Variants in ING4 observed in about 807,000 individuals in gnomAD.
ING4 encodes the protein inhibitor of growth family member 4.
Under a neutral mutation model 33.1 loss-of-function variants are expected in ING4, and 28 were observed. The observed-to-expected ratio is 0.85, with a 90% CI of 0.63 to 1.16. The LOEUF (loss-of-function observed/expected upper bound fraction) is 1.16. ING4 is among the 50% of genes most tolerant of loss of function. The pLI is 0.00. For missense variants in ING4, 247 were observed against 314.7 expected (o/e 0.78, Z 1.63); for synonymous variants, 87 against 104.4 (o/e 0.83, Z 1.02).
intron 2 of ING4, chr12:6,655,594 C>T (rs1478193649): frequency 9.0e-7 from 1 of 1,113,648 alleles, no homozygotes; most frequent in Admixed American, 4.7e-5. Context: ...TGCATGAACT[C>T]AAGAGTTACA....
intron 2 of ING4, among the ~76,000 whole-genome samples, chr12:6,653,886 A>G (rs1949264137): frequency 6.6e-6 from 1 of 152,184 alleles, no homozygotes; most frequent in Non-Finnish European, 1.5e-5. Flanking sequence ...TTTTTGACAC[A>G]GGGTCTCACT....
intron 1 of ING4, 83 bp from the exon 2 acceptor site, chr12:6,656,881 T>C: frequency 1.2e-6 from 1 of 847,428 alleles, no homozygotes; most frequent in Non-Finnish European, 1.8e-6. Flanking sequence ...AGGCCGGACA[T>C]GGTGGCTCAC....
intron 1 of ING4, 74 bp from the exon 2 acceptor site, chr12:6,656,872 G>T: frequency 1.1e-6 from 1 of 922,518 alleles, no homozygotes; most frequent in African/African-American, 1.7e-5. Context: ...GTGCAGTTCA[G>T]GCCGGACATG....
chr12:6,656,667 T>C, intron 2 of ING4, 60 bp downstream of exon 2: 1 of 955,174 alleles, frequency 1.0e-6, no homozygotes, highest in Non-Finnish European at 1.6e-6. Context: ...TAACATCAAG[T>C]AGAAAAATAA....
chr12:6,652,616 G>A, intron 5 of ING4, 46 bp downstream of exon 5: 3 of 1,548,890 alleles, frequency 1.9e-6, no homozygotes, highest in Non-Finnish European at 2.7e-6. Flanking sequence ...GGGGCACCGG[G>A]AGAGAAGAGG....
chr12:6,662,622 C>T (rs2136287821), intron 1 of ING4, among the ~76,000 whole-genome samples: 1 of 152,314 alleles, frequency 6.6e-6, no homozygotes, highest in South Asian at 2.1e-4. Flanking sequence ...AGTTCATCAT[C>T]TGACAGTGGT....
At chr12:6,653,498 C>A in intron 2 of ING4, 102 bp from the exon 3 acceptor site, 1 of 1,141,916 alleles carries the variant, frequency 8.8e-7, no homozygotes, top group Non-Finnish European at 1.2e-6. Context: ...ATTAGCATAA[C>A]CTTCCAACTA....
chr12:6,655,564 A>C, intron 2 of ING4: 1 of 1,080,416 alleles, frequency 9.3e-7, no homozygotes, highest in Non-Finnish European at 1.1e-6. Flanking sequence ...ATAGTTCCAT[A>C]ATCTCCAACT....
In ING4 at chr12:6,650,469, G is replaced by A. The variant is rs1949146550; in HGVS notation, c.*726C>T. On this transcript the variant is annotated 3_prime_UTR_variant, in exon 8 of 8. Transcript: ENST00000341550. ...AGTTCTCGGACAGAGGCACCACTCT[G>A]GTTTCATGTCGTGTCCTAATTCTGG... 1 of 152,582 alleles carries A rather than the reference G, an allele frequency of 6.6e-6. No homozygotes were observed. The highest frequency in any genetic ancestry group is 2.4e-5 in the African/African-American group (1 of 41,422). 9.5% of individuals were successfully genotyped at this position (152,582 alleles called of 1,614,324 possible).
At chr12:6,659,925 G>A (rs536729217) in intron 1 of ING4, among the ~76,000 whole-genome samples, 6 of 151,908 alleles carry the variant, frequency 3.9e-5, no homozygotes, top group East Asian at 3.9e-4. Flanking sequence ...GTTGCAGCCC[G>A]GGCAAAAGAG....
At chr12:6,658,201 C>T (rs1055310111) in intron 1 of ING4, among the ~76,000 whole-genome samples, 19 of 151,694 alleles carry the variant, frequency 1.3e-4, no homozygotes, top group Non-Finnish European at 2.4e-4. Context: ...CTCAGGTGAT[C>T]CGCCCGCCTT....
chr12:6,658,413 C>T (rs1393800209), intron 1 of ING4, among the ~76,000 whole-genome samples: 2 of 151,676 alleles, frequency 1.3e-5, no homozygotes, highest in African/African-American at 4.8e-5. Context: ...TGGCCAGGCA[C>T]GGTGGCTCAT....
At chr12:6,651,901 A>T (rs1949193637) in intron 6 of ING4, among the ~76,000 whole-genome samples, 1 of 115,804 alleles carries the variant, frequency 8.6e-6, no homozygotes, top group Non-Finnish European at 1.7e-5. Flanking sequence ...CGCCCAGGTT[A>T]GAGTGTGGTG....
At chr12:6,655,606 C>A in intron 2 of ING4, 4 of 1,129,728 alleles carry the variant, frequency 3.5e-6, no homozygotes, top group Non-Finnish European at 4.4e-6. Context: ...AGAGTTACAA[C>A]TGTATTACAA....
In ING4 at chr12:6,650,920, C is replaced by T. The variant is rs1454613542; in HGVS notation, c.*275G>A. 1 of 539,962 alleles carries T rather than the reference C, an allele frequency of 1.9e-6. No individual in the cohort carries two copies. The highest frequency in any genetic ancestry group is 3.3e-6 in the Non-Finnish European group (1 of 298,778). 33.4% of individuals were successfully genotyped at this position (539,962 alleles called of 1,614,324 possible). A position where few individuals can be genotyped will look rare whatever the true frequency, so the allele number is the denominator to read the frequency against. ...CCTCCCTCTGAAATACAGCACCGAC[C>T]TCAGCATGGAGGCAAAAGGACAGTG... On this transcript the variant is annotated 3_prime_UTR_variant, in exon 8 of 8. Coordinates refer to ENST00000341550, the MANE Select transcript of ING4 (RefSeq NM_016162.4).
intron 1 of ING4, among the ~76,000 whole-genome samples, chr12:6,661,982 C>T (rs1026001210): frequency 1.3e-5 from 2 of 152,182 alleles, no homozygotes; most frequent in Non-Finnish European, 2.9e-5. Flanking sequence ...CAAACTTCTT[C>T]GTTTGGCTTA....
chr12:6,652,120 A>G (rs547620171), intron 6 of ING4, 151 bp downstream of exon 6: 12 of 985,650 alleles, frequency 1.2e-5, no homozygotes, highest in East Asian at 9.9e-5. Flanking sequence ...TCAGCCTCCC[A>G]AAGTGCTGGG....
At position 6,658,369 on chromosome 12, in the gene ING4, G is replaced by T. The variant is rs183344440; in HGVS notation, c.38-1571C>A. 1.6e-4 allele frequency among the ~76,000 whole-genome samples: 24 copies of T among 151,906 alleles called. No homozygotes were observed. The East Asian group carries it at 4.7e-3, about 29-fold the overall frequency. On this transcript the variant is annotated intron_variant, in intron 1 of 7. Transcript: ENST00000341550. ...AACACTTCCAATCTACTTCCATATA[G>T]TAGCCAGAATGTCCTTTTTAAAAAA...
chr12:6,659,496 G>A (rs1457039214), intron 1 of ING4, among the ~76,000 whole-genome samples: 1 of 150,414 alleles, frequency 6.6e-6, no homozygotes, highest in Non-Finnish European at 1.5e-5. Flanking sequence ...GACAGAGTGC[G>A]ACTCCATCTC....
Sources: gnomAD v4.1 joint callset for allele counts (sites outside exome capture counted in the v4.1 genomes callset) on GRCh38, gnomAD v4.1.1 for gene constraint, MANE v1.5 for transcripts, NCBI Gene and HGNC (gene_info 2026-07-23, HGNC 2026-07-21) for gene names.